The following POTEF variants were observed in gnomAD, a reference collection of about 807,000 sequenced individuals.
POTEF encodes POTE ankyrin domain family member F, also known as ANKRD26-like family C member 1B.
In POTEF, 20 loss-of-function variants were observed where a neutral mutation model predicts 83.2. The ratio of observed to expected loss-of-function variants is 0.24; its 90% CI spans 0.17 to 0.35. The LOEUF is 0.35. Among genes scored for constraint, POTEF ranks in the 10% least tolerant of loss-of-function variants. The pLI is 1.00. For missense variants in POTEF, 550 were observed against 1,203.2 expected, an observed-to-expected ratio of 0.46 and a Z score of 8.03; for synonymous variants, 196 against 446.4, an observed-to-expected ratio of 0.44 and a Z score of 7.07.
At chr2:130,117,915 T>TA (rs1448644001) in intron 3 of POTEF, among the ~76,000 whole-genome samples, 6 of 151,328 alleles carry the variant, frequency 4.0e-5, no homozygotes, top group African/African-American at 1.5e-4. Flanking sequence ...ACTTTGTGGA[T>TA]AAAAAACAGT....
In POTEF at chr2:130,120,366, G is replaced by C; in HGVS notation, c.150C>G (p.Asp50Glu). The C allele has an allele frequency of 1.9e-6, 3 of 1,597,046 alleles. No homozygotes were observed. The highest frequency in any genetic ancestry group is 2.6e-6 in the Non-Finnish European group (3 of 1,170,262). The change falls in exon 3 of 17, where the codon GAC (aspartate) becomes GAG (glutamate). Residue 50 changes from aspartate to glutamate, a missense_variant. Asp to Glu is a conservative substitution (Grantham distance 45, BLOSUM62 2). Transcript: ENST00000409914. ...TCCTGAGTGTCTTCATAGCAGAGTC[G>C]TCGTGGTCTCCAGAAGTGCCCACGT... is the stretch of plus-strand genomic sequence containing the variant. ...KSNVGTSGDHDDSAMKTLRSK... is the reference protein window; with the variant it reads ...KSNVGTSGDHEDSAMKTLRSK...
In POTEF at chr2:130,113,233, A is replaced by C. The variant is rs568400523; in HGVS notation, c.811-1132T>G. 2.3e-3 allele frequency among the ~76,000 whole-genome samples: 283 copies of C among 123,264 alleles called. 8 individuals are homozygous for C. Among genetic ancestry groups the C allele is most frequent in the Middle Eastern group, 3.7e-3 (1 of 272 alleles). The allele number at this position is 123,264 out of a possible 152,430, so 80.9% of individuals were successfully genotyped here. A position where few individuals can be genotyped will look rare whatever the true frequency, so the allele number is the denominator to read the frequency against. On this transcript the variant is annotated intron_variant, in intron 5 of 16. Transcript: ENST00000409914. ...CCTCATCTCTACTGAAAAAAAAAAA[A>C]AAAAAACTGAGGTTGGAGGACCATC...
At chr2:130,103,408 T>C (rs1684428242) in intron 8 of POTEF, among the ~76,000 whole-genome samples, 1 of 150,570 alleles carries the variant, frequency 6.6e-6, no homozygotes, top group Non-Finnish European at 1.5e-5. Flanking sequence ...CTTATATTTA[T>C]CTTTTAAAAC....
intron 11 of POTEF, among the ~76,000 whole-genome samples, chr2:130,094,966 A>G (rs1352715833): frequency 6.6e-6 from 1 of 151,638 alleles, no homozygotes; most frequent in East Asian, 1.9e-4. Flanking sequence ...AAGAGCCAAA[A>G]CGATTTTAAA....
Position 130,120,494 on chromosome 2 carries a change from T to C in POTEF, c.22A>G (p.Met8Val). ...TTCTTCACAGAAGAGGCAGCCGGCA[T>C]GGAATCAACCTCAACCACCATCTGC... The part of the protein sequence containing the change: MVVEVDS[M>V]PAASSVKKPF... Residue 8 changes from methionine (M) to valine (V), a missense_variant, in exon 3 of 17, where the codon ATG (methionine) becomes GTG (valine). Physicochemically the swap from Met to Val is conservative, Grantham distance 21. Transcript: ENST00000409914. The C allele has an allele frequency of 6.2e-7, 1 of 1,613,168 alleles. No homozygotes were observed. Among genetic ancestry groups the C allele is most frequent in the Non-Finnish European group, 8.5e-7 (1 of 1,179,832 alleles).
intron 11 of POTEF, among the ~76,000 whole-genome samples, chr2:130,095,022 A>C (rs564418154): frequency 3.9e-4 from 59 of 149,442 alleles, no homozygotes; most frequent in African/African-American, 1.4e-3. Flanking sequence ...GAACCATGTC[A>C]AACTTTTTTT....
At chr2:130,107,478 G>C (rs2599859) in intron 8 of POTEF, among the ~76,000 whole-genome samples, 51 of 151,076 alleles carry the variant, frequency 3.4e-4, no homozygotes, top group Admixed American at 5.9e-4. Flanking sequence ...CCAGGCCACA[G>C]ACTCATACCA....
At chr2:130,104,344 T>A (rs1301031447) in intron 8 of POTEF, among the ~76,000 whole-genome samples, 1 of 145,438 alleles carries the variant, frequency 6.9e-6, no homozygotes, top group African/African-American at 2.7e-5. Context: ...TCTTTAGATT[T>A]CTATCCAGTC....
intron 8 of POTEF, among the ~76,000 whole-genome samples, chr2:130,105,279 A>C (rs1453797297): frequency 1.3e-5 from 2 of 151,612 alleles, no homozygotes; most frequent in African/African-American, 4.9e-5. Context: ...TAAGCAAAAC[A>C]AATGAAAAAA....
At chr2:130,115,720 G>A (rs1172349074) in intron 3 of POTEF, among the ~76,000 whole-genome samples, 1 of 152,208 alleles carries the variant, frequency 6.6e-6, no homozygotes, top group Non-Finnish European at 1.5e-5. Flanking sequence ...ATATAGAATA[G>A]TTCCTAACAC....
At chr2:130,083,596 AT>A (rs1683950875) in intron 15 of POTEF, among the ~76,000 whole-genome samples, 2 of 124,640 alleles carry the variant, frequency 1.6e-5, no homozygotes, top group African/African-American at 3.5e-5. Context: ...ACAGAAAAAA[AT>A]TAGTGATAAT....
chr2:130,102,444 C>CAT, intron 8 of POTEF, among the ~76,000 whole-genome samples: 1 of 121,780 alleles, frequency 8.2e-6, no homozygotes, highest in African/African-American at 3.2e-5. Context: ...ACAGTAGAAG[C>CAT]ATCTAAGGTA....
chr2:130,113,454 A>G, intron 5 of POTEF, among the ~76,000 whole-genome samples: 1 of 143,436 alleles, frequency 7.0e-6, no homozygotes, highest in African/African-American at 2.6e-5. Flanking sequence ...AAGAATTTAC[A>G]TATTACATTT....
intron 2 of POTEF, among the ~76,000 whole-genome samples, chr2:130,126,339 G>C (rs576115639): frequency 6.6e-6 from 1 of 150,458 alleles, no homozygotes; most frequent in African/African-American, 2.4e-5. Context: ...GAAAACAAAG[G>C]AAATGGTGGC....
chr2:130,114,614 G>A (rs1448807593), intron 5 of POTEF, among the ~76,000 whole-genome samples: 2 of 147,978 alleles, frequency 1.4e-5, no homozygotes, highest in African/African-American at 5.0e-5. Context: ...GGGAAAAATT[G>A]AAAAATAGTA....
intron 8 of POTEF, among the ~76,000 whole-genome samples, chr2:130,104,606 T>C (rs1453845401): frequency 6.6e-6 from 1 of 151,548 alleles, no homozygotes; most frequent in Non-Finnish European, 1.5e-5. Context: ...TGACATGAAG[T>C]CAAGCAGGGC....
intron 12 of POTEF, among the ~76,000 whole-genome samples, chr2:130,093,028 A>C (rs1443593202): frequency 7.0e-6 from 1 of 141,984 alleles, no homozygotes; most frequent in African/African-American, 2.7e-5. Flanking sequence ...TACAGCCTCT[A>C]CTCTGTCTCC....
chr2:130,078,228 T>A lies in POTEF; in HGVS notation c.1779-1027A>T, dbSNP rs1447948880. ...GACTCCTACAAAACACTCCTAGATT[T>A]GATACATGAATTCAGTAAAGTCTCA... On this transcript the variant is annotated intron_variant, in intron 15 of 16. Transcript: ENST00000409914. Among the ~76,000 whole-genome samples, 2 of 88,502 alleles carry A rather than the reference T, an allele frequency of 2.3e-5. 1 individual carries two copies. Among genetic ancestry groups the A allele is most frequent in the African/African-American group, 8.8e-5 (2 of 22,766 alleles). 58.1% of individuals were successfully genotyped at this position (88,502 alleles called of 152,430 possible). A position where few individuals can be genotyped will look rare whatever the true frequency, so the allele number is the denominator to read the frequency against.
At chr2:130,116,230 C>G (rs1045556296) in intron 3 of POTEF, among the ~76,000 whole-genome samples, 1 of 151,370 alleles carries the variant, frequency 6.6e-6, no homozygotes, top group Non-Finnish European at 1.5e-5. Flanking sequence ...TTTGTCAATA[C>G]TTAGATTTAT....
Sources: allele counts gnomAD v4.1 joint callset (sites outside exome capture counted in the v4.1 genomes callset), GRCh38; gene constraint gnomAD v4.1.1; transcripts MANE v1.5; gene names NCBI Gene and HGNC (gene_info 2026-07-23, HGNC 2026-07-21).